The following ROBO2 variants were observed in gnomAD, a reference collection of about 807,000 sequenced individuals.
The protein encoded by ROBO2 is roundabout homolog 2.
ROBO2 carries 53 observed loss-of-function variants against 160.8 expected under a neutral mutation model. The ratio of observed to expected loss-of-function variants is 0.33; its 90% CI spans 0.26 to 0.41. The LOEUF is 0.41. Ranked by LOEUF, ROBO2 falls within the 10% of genes least tolerant of loss-of-function variation. The probability of loss-of-function intolerance (pLI) is 1.00; values close to 1 mark genes in which losing one functional copy is unlikely to be tolerated. For missense variants in ROBO2, 1,577 were observed against 1,722.4 expected, an observed-to-expected ratio of 0.92 and a Z score of 1.49; for synonymous variants, 664 against 611.7, an observed-to-expected ratio of 1.09 and a Z score of -1.26.
At position 76,955,869 on chromosome 3, in the gene ROBO2, T is replaced by G. The variant is rs561335337; in HGVS notation, c.110-142145T>G. ...CTTGAACCCGGGAGGCGGAGACAGGTGTTGCAGTGAGACTCCGTCAAAAAA... is the reference window on the plus strand; with the variant it reads ...CTTGAACCCGGGAGGCGGAGACAGGGGTTGCAGTGAGACTCCGTCAAAAAA... On this transcript the variant is annotated intron_variant, in intron 2 of 26. Coordinates refer to the ROBO2 transcript ENST00000487694. Among the ~76,000 whole-genome samples the G allele has an allele frequency of 6.9e-4, 100 of 145,692 alleles. 1 individual carries two copies. The highest frequency in any genetic ancestry group is 3.3e-3 in the South Asian group (15 of 4,494).
At chr3:76,407,713 C>A (rs570851458) in intron 2 of ROBO2, among the ~76,000 whole-genome samples, 1 of 151,812 alleles carries the variant, frequency 6.6e-6, no homozygotes, top group South Asian at 2.1e-4. Flanking sequence ...TTATTTTTTT[C>A]TTCATTATAC....
chr3:77,209,416 T>C (rs2083830662), intron 2 of ROBO2, among the ~76,000 whole-genome samples: 1 of 151,918 alleles, frequency 6.6e-6, no homozygotes, highest in African/African-American at 2.4e-5. Flanking sequence ...CCATCTAATT[T>C]TCAATACGTT....
intron 2 of ROBO2, among the ~76,000 whole-genome samples, chr3:76,057,663 T>C (rs1250502835): frequency 6.6e-6 from 1 of 152,218 alleles, no homozygotes; most frequent in Non-Finnish European, 1.5e-5. Flanking sequence ...AACCGTATTA[T>C]ACAGAGCTGT....
intron 2 of ROBO2, among the ~76,000 whole-genome samples, chr3:76,118,668 A>G (rs2070582753): frequency 6.6e-6 from 1 of 152,152 alleles, no homozygotes. Context: ...CCATTTATTC[A>G]TTTCTGGGAA....
At position 76,521,181 on chromosome 3, in the gene ROBO2, T is replaced by C. The variant is rs530519565; in HGVS notation, c.110-576833T>C. Among the ~76,000 whole-genome samples the C allele has an allele frequency of 1.4e-3, 206 of 152,024 alleles. 3 individuals are homozygous for C. The highest frequency in any genetic ancestry group is 4.6e-3 in the African/African-American group (192 of 41,442). On this transcript the variant is annotated intron_variant, in intron 2 of 26. Transcript: ENST00000487694. Reference sequence around the variant, plus strand: ...CTCCCACCTCAGCCTACCAAGTAGTTGGGACTACAGGCATGCGTCACCACG... The same window carrying C: ...CTCCCACCTCAGCCTACCAAGTAGTCGGGACTACAGGCATGCGTCACCACG...
intron 2 of ROBO2, among the ~76,000 whole-genome samples, chr3:77,110,278 A>G (rs760630182): frequency 6.6e-6 from 1 of 152,158 alleles, no homozygotes; most frequent in African/African-American, 2.4e-5. Flanking sequence ...AAGAAATATG[A>G]TAATAGCAAT....
At chr3:76,055,401 A>T (rs1260147469) in intron 2 of ROBO2, among the ~76,000 whole-genome samples, 2 of 152,122 alleles carry the variant, frequency 1.3e-5, no homozygotes, top group Non-Finnish European at 2.9e-5. Flanking sequence ...TGGCTATTCC[A>T]TGCGTGATGG....
chr3:77,620,391 G>T (rs1452123659), intron 22 of ROBO2, among the ~76,000 whole-genome samples: 1 of 152,102 alleles, frequency 6.6e-6, no homozygotes, highest in East Asian at 1.9e-4. Flanking sequence ...TCTTAATTTT[G>T]CTTAAATAGG....
chr3:76,742,786 A>C (rs1377597288), intron 2 of ROBO2, among the ~76,000 whole-genome samples: 2 of 151,706 alleles, frequency 1.3e-5, no homozygotes, highest in East Asian at 1.9e-4. Flanking sequence ...ACACACACCC[A>C]CACACACACC....
intron 2 of ROBO2, among the ~76,000 whole-genome samples, chr3:77,169,915 A>T (rs1405061005): frequency 6.6e-6 from 1 of 152,050 alleles, no homozygotes; most frequent in Non-Finnish European, 1.5e-5. Context: ...GGGGGGTGGG[A>T]TGGCATCTGA....
intron 2 of ROBO2, among the ~76,000 whole-genome samples, chr3:77,424,065 C>A (rs1473685428): frequency 6.6e-6 from 1 of 152,100 alleles, no homozygotes; most frequent in Admixed American, 6.5e-5. Context: ...CTTGATATTG[C>A]TCTTTAAGAG....
chr3:76,918,184 T>G (rs2076439629), intron 2 of ROBO2, among the ~76,000 whole-genome samples: 1 of 152,214 alleles, frequency 6.6e-6, no homozygotes, highest in South Asian at 2.1e-4. Flanking sequence ...ATAATCCCCA[T>G]GTATCAAGGG....
At chr3:77,632,516 G>A (rs1264096298) in intron 23 of ROBO2, 22 of 1,535,330 alleles carry the variant, frequency 1.4e-5, no homozygotes, top group South Asian at 3.6e-5. Context: ...GATGAGGATC[G>A]TAACTTTTCT....
intron 2 of ROBO2, among the ~76,000 whole-genome samples, chr3:75,984,144 A>G (rs1020642565): frequency 1.3e-5 from 2 of 151,536 alleles, no homozygotes; most frequent in African/African-American, 2.4e-5. Context: ...GTATTACTCA[A>G]CAGGTCCAAT....
intron 2 of ROBO2, among the ~76,000 whole-genome samples, chr3:76,955,901 A>G (rs28436706): frequency 6.6e-5 from 10 of 151,774 alleles, no homozygotes; most frequent in South Asian, 2.1e-4. Context: ...AAAAAAAAAA[A>G]AAAGAAAGAA....
chr3:77,361,818 G>A (rs1354793770), intron 2 of ROBO2, among the ~76,000 whole-genome samples: 2 of 152,116 alleles, frequency 1.3e-5, no homozygotes, highest in Admixed American at 6.6e-5. Context: ...CTAAAAATGT[G>A]TGTAATTGAC....
At chr3:77,220,820 T>C (rs1328321313) in intron 2 of ROBO2, among the ~76,000 whole-genome samples, 1 of 152,126 alleles carries the variant, frequency 6.6e-6, no homozygotes, top group Non-Finnish European at 1.5e-5. Flanking sequence ...CCCATTCATC[T>C]TTTTGAAAAA....
In ROBO2 at chr3:77,303,465, A is replaced by G. The variant is rs62251202; in HGVS notation, c.389-173949A>G. On this transcript the variant is annotated intron_variant, in intron 2 of 25. Coordinates refer to ENST00000461745, the Ensembl canonical transcript of ROBO2. ...GAAATATAAGTATTCTGTGTTCATA[A>G]CAGAGTGAAAATGTATACATTTATT... Among the ~76,000 whole-genome samples the G allele has an allele frequency of 2.5e-3, 384 of 152,290 alleles. 3 individuals carry two copies. The highest frequency in any genetic ancestry group is 0.014 in the Middle Eastern group (4 of 294).
intron 2 of ROBO2, among the ~76,000 whole-genome samples, chr3:77,174,194 G>A (rs780481919): frequency 1.3e-5 from 2 of 151,928 alleles, no homozygotes; most frequent in Non-Finnish European, 2.9e-5. Flanking sequence ...ACTGAGTCCT[G>A]GGTGTCCCCC....
Sources: allele counts gnomAD v4.1 joint callset (sites outside exome capture counted in the v4.1 genomes callset), GRCh38; gene constraint gnomAD v4.1.1; transcripts MANE v1.5; gene names NCBI Gene and HGNC (gene_info 2026-07-23, HGNC 2026-07-21).